DDAH1: variants seen among roughly 807,000 people sequenced by gnomAD.
The protein encoded by DDAH1 is N(G),N(G)-dimethylarginine dimethylaminohydrolase 1.
A neutral mutation model predicts 28.8 loss-of-function variants in DDAH1; 19 were observed. The observed-to-expected ratio is 0.66, with a 90% confidence interval of 0.46 to 0.97. DDAH1 has a LOEUF of 0.97. DDAH1 is among the 50% of genes least tolerant of loss of function. The pLI, the probability that DDAH1 is intolerant of heterozygous loss-of-function variation, is 0.00. For synonymous variants in DDAH1, 153 were observed against 154.4 expected, an observed-to-expected ratio of 0.99 and a Z score of 0.07; for missense variants, 326 against 375.9, an observed-to-expected ratio of 0.87 and a Z score of 1.10.
intron 1 of DDAH1, among the ~76,000 whole-genome samples, chr1:85,543,799 T>C (rs187997735): frequency 1.1e-4 from 17 of 152,306 alleles, no homozygotes; most frequent in African/African-American, 3.8e-4. Flanking sequence ...TTTCATAAAC[T>C]TAACACAATT....
chr1:85,436,722 G>A (rs901543931), intron 1 of DDAH1, among the ~76,000 whole-genome samples: 1 of 152,176 alleles, frequency 6.6e-6, no homozygotes, highest in Non-Finnish European at 1.5e-5. Flanking sequence ...TGGGAGAAGA[G>A]AGCAGCTCTA....
chr1:85,335,504 C>T (rs1218116932), intron 4 of DDAH1, among the ~76,000 whole-genome samples: 1 of 151,712 alleles, frequency 6.6e-6, no homozygotes, highest in African/African-American at 2.4e-5. Flanking sequence ...CAAAAGCAAG[C>T]AGGAGTAGAT....
At chr1:85,369,333 T>C (rs1650253751) in intron 1 of DDAH1, among the ~76,000 whole-genome samples, 1 of 151,830 alleles carries the variant, frequency 6.6e-6, no homozygotes. Context: ...GTTTACTGAA[T>C]GAACAGCTGA....
intron 1 of DDAH1, among the ~76,000 whole-genome samples, chr1:85,404,745 C>G (rs189019341): frequency 5.0e-4 from 76 of 151,938 alleles, no homozygotes; most frequent in African/African-American, 1.8e-3. Flanking sequence ...CTCTGTCTTT[C>G]TCTCTCTCTC....
At chr1:85,373,612 C>T (rs1446311581) in intron 1 of DDAH1, among the ~76,000 whole-genome samples, 1 of 152,128 alleles carries the variant, frequency 6.6e-6, no homozygotes, top group African/African-American at 2.4e-5. Flanking sequence ...GCCATGATTT[C>T]AAATTGCCTG....
chr1:85,508,582 T>C (rs1657109201), intron 1 of DDAH1, among the ~76,000 whole-genome samples: 2 of 152,244 alleles, frequency 1.3e-5, no homozygotes, highest in Admixed American at 1.3e-4. Context: ...GAAGCCCTGA[T>C]AGACTGTACC....
chr1:85,538,905 G>A (rs1271820872), intron 1 of DDAH1, among the ~76,000 whole-genome samples: 2 of 152,048 alleles, frequency 1.3e-5, no homozygotes, highest in African/African-American at 2.4e-5. Context: ...CGTTCCAAAC[G>A]TTCAAATCCT....
chr1:85,499,402 C>T (rs1056244943), intron 1 of DDAH1, among the ~76,000 whole-genome samples: 13 of 152,130 alleles, frequency 8.5e-5, no homozygotes, highest in Admixed American at 3.9e-4. Flanking sequence ...AGGCCGGGTG[C>T]GGTGGCTGAC....
chr1:85,528,582 C>T (rs1166176845), intron 1 of DDAH1, among the ~76,000 whole-genome samples: 2 of 151,950 alleles, frequency 1.3e-5, no homozygotes, highest in South Asian at 2.1e-4. Flanking sequence ...GGAAGACAGA[C>T]ATGCAATCCC....
chr1:85,490,677 C>A (rs1656363299), intron 2 of DDAH1, among the ~76,000 whole-genome samples: 1 of 152,224 alleles, frequency 6.6e-6, no homozygotes, highest in Admixed American at 6.5e-5. Flanking sequence ...AGTCTGTGGT[C>A]CAGCCTCTAG....
chr1:85,503,242 T>C (rs769802261), intron 1 of DDAH1, among the ~76,000 whole-genome samples: 3 of 152,216 alleles, frequency 2.0e-5, no homozygotes, highest in Non-Finnish European at 2.9e-5. Flanking sequence ...TTCACTCTTG[T>C]TGCCCAAGCT....
At chr1:85,351,078 T>C (rs1281811441) in intron 3 of DDAH1, among the ~76,000 whole-genome samples, 1 of 150,228 alleles carries the variant, frequency 6.7e-6, no homozygotes, top group Non-Finnish European at 1.5e-5. Context: ...TTTTTTTTTT[T>C]AGAAACAGGG....
At chr1:85,335,742 A>G (rs1002209733) in intron 4 of DDAH1, among the ~76,000 whole-genome samples, 1 of 152,042 alleles carries the variant, frequency 6.6e-6, no homozygotes, top group Non-Finnish European at 1.5e-5. Flanking sequence ...TGGGTGGATC[A>G]CTTGAGCTCA....
chr1:85,326,949 G>A (rs1647443155), intron 4 of DDAH1, among the ~76,000 whole-genome samples: 1 of 152,120 alleles, frequency 6.6e-6, no homozygotes, highest in East Asian at 1.9e-4. Context: ...TTATAAAATG[G>A]ATATGCCCAG....
At chr1:85,512,869 G>T (rs1235956341) in intron 1 of DDAH1, among the ~76,000 whole-genome samples, 1 of 152,154 alleles carries the variant, frequency 6.6e-6, no homozygotes, top group Non-Finnish European at 1.5e-5. Flanking sequence ...ACAAATGGAA[G>T]AGTATTCCAT....
intron 1 of DDAH1, among the ~76,000 whole-genome samples, chr1:85,424,553 TTTAAA>T (rs1653303561): frequency 6.6e-6 from 1 of 152,054 alleles, no homozygotes; most frequent in African/African-American, 2.4e-5. Context: ...GAGCATGCTT[TTTAAA>T]AAACTATTTT....
intron 1 of DDAH1, among the ~76,000 whole-genome samples, chr1:85,450,034 G>A (rs1275856357): frequency 3.3e-5 from 5 of 152,098 alleles, no homozygotes; most frequent in African/African-American, 1.2e-4. Flanking sequence ...AGGTAACACC[G>A]GTCTCATCTA....
At chr1:85,340,598 T>C (rs1349772221) in intron 4 of DDAH1, among the ~76,000 whole-genome samples, 1 of 152,182 alleles carries the variant, frequency 6.6e-6, no homozygotes, top group Non-Finnish European at 1.5e-5. Context: ...CTTTCACAGC[T>C]ACTTTCCTAG....
intron 1 of DDAH1, among the ~76,000 whole-genome samples, chr1:85,570,945 G>A (rs1297296185): frequency 2.6e-5 from 4 of 152,188 alleles, no homozygotes; most frequent in African/African-American, 4.8e-5. Flanking sequence ...TTAGGACTGT[G>A]TAGCAGAAAT....
Sources: allele counts gnomAD v4.1 joint callset (sites outside exome capture counted in the v4.1 genomes callset), GRCh38; gene constraint gnomAD v4.1.1; transcripts MANE v1.5; gene names NCBI Gene and HGNC (gene_info 2026-07-23, HGNC 2026-07-21).